The following KLF15 variants were observed in gnomAD, a reference collection of about 807,000 sequenced individuals.
KLF15 encodes the protein KLF transcription factor 15.
A neutral mutation model predicts 24.6 loss-of-function variants in KLF15; 4 were observed. That is an observed-to-expected ratio of 0.16 (90% CI 0.08 to 0.37). KLF15 has a LOEUF of 0.37. Among genes scored for constraint, KLF15 ranks in the 10% least tolerant of loss-of-function variants. The pLI is 1.00. For synonymous variants in KLF15, 246 were observed against 236.3 expected (o/e 1.04, Z -0.37); for missense variants, 496 against 560.6 (o/e 0.88, Z 1.16).
chr3:126,299,772 A>C, the KLF15 span, among the ~76,000 whole-genome samples: 1 of 140,942 alleles, frequency 7.1e-6, no homozygotes. Flanking sequence ...AAAAAAAAAA[A>C]AGGAGATGAC....
chr3:126,308,863 G>A, the KLF15 span, among the ~76,000 whole-genome samples: 1 of 152,222 alleles, frequency 6.6e-6, no homozygotes, highest in African/African-American at 2.4e-5. Flanking sequence ...CTCACGGCAG[G>A]ACAGCTCGGC....
At chr3:126,324,577 G>C in the KLF15 span, among the ~76,000 whole-genome samples, 1 of 121,868 alleles carries the variant, frequency 8.2e-6, no homozygotes, top group Non-Finnish European at 1.7e-5. Flanking sequence ...TGCCACACCC[G>C]CCCCCAACTT....
the KLF15 span, among the ~76,000 whole-genome samples, chr3:126,295,055 C>T: frequency 6.6e-6 from 1 of 152,168 alleles, no homozygotes; most frequent in Non-Finnish European, 1.5e-5. Context: ...CATGCATGCA[C>T]TTATACGCAC....
the KLF15 span, among the ~76,000 whole-genome samples, chr3:126,308,723 C>G: frequency 1.3e-5 from 2 of 152,188 alleles, no homozygotes; most frequent in Non-Finnish European, 2.9e-5. Flanking sequence ...CTTTCTCCCC[C>G]ATGATGAGGA....
chr3:126,344,024 C>T, intron 2 of KLF15, 129 bp from the exon 3 acceptor site: 1 of 899,846 alleles, frequency 1.1e-6, no homozygotes, highest in Non-Finnish European at 1.6e-6. Flanking sequence ...AGACCTGCAG[C>T]CTCTACAGGA....
At chr3:126,289,175 A>G in the KLF15 span, among the ~76,000 whole-genome samples, 1 of 152,212 alleles carries the variant, frequency 6.6e-6, no homozygotes, top group African/African-American at 2.4e-5. Flanking sequence ...GCAAGAATAA[A>G]CTCCAGGTGT....
In KLF15 at chr3:126,350,635, C is replaced by T. The variant is rs868627179; in HGVS notation, c.1082+1206G>A. The stretch of plus-strand genomic sequence containing the variant: ...AAGAAAACAAAAGCTGCAAACTGCT[C>T]CCCGGGTGTTGCACCCACACATAAC... On this transcript the variant is annotated intron_variant, in intron 2 of 2. Transcript: ENST00000296233. Among the ~76,000 whole-genome samples the T allele has an allele frequency of 2.6e-5, 4 of 152,240 alleles. No homozygotes were observed. The East Asian group carries it at 5.8e-4, about 22-fold the overall frequency.
rs145337601 is a variant in KLF15 at position 126,352,591 on chromosome 3, G to A, written c.332C>T (p.Ala111Val). 518 of 1,611,732 alleles carry A rather than the reference G, an allele frequency of 3.2e-4. No homozygotes were observed. Among genetic ancestry groups the A allele is most frequent in the Non-Finnish European group, 4.1e-4 (483 of 1,179,654 alleles). The stretch of plus-strand genomic sequence containing the variant: ...ATGCTCCCCCTTCACAGGGGCCGCT[G>A]CCCTTCGCCAGGGCCCCCAGGCCAC... The part of the protein sequence containing the change: ...GPVAWGPWRR[A>V]AAPVKGEHFC... Residue 111 changes from alanine (A) to valine (V), a missense_variant, in exon 2 of 3, where the codon GCA (alanine) becomes GTA (valine). Ala to Val is a moderately conservative substitution (Grantham distance 64). Around this residue, in one of 3 missense-constraint regions of KLF15, gnomAD observed 399 missense variants for 423.1 expected, o/e 0.94. Coordinates refer to ENST00000296233, the MANE Select transcript of KLF15 (RefSeq NM_014079.4).
chr3:126,301,785 T>C, the KLF15 span, among the ~76,000 whole-genome samples: 1 of 151,976 alleles, frequency 6.6e-6, no homozygotes, highest in African/African-American at 2.4e-5. Context: ...CGGCTAATTT[T>C]TGTTTTTTTA....
At chr3:126,332,294 C>G in the KLF15 span, among the ~76,000 whole-genome samples, 5 of 148,514 alleles carry the variant, frequency 3.4e-5, no homozygotes, top group Admixed American at 3.4e-4. Context: ...CTGGGAGGCA[C>G]CCCCCAGCAG....
chr3:126,323,403 T>TTATA, the KLF15 span, among the ~76,000 whole-genome samples: 12 of 50,830 alleles, frequency 2.4e-4, 1 homozygote, highest in African/African-American at 1.1e-3. Flanking sequence ...GCCCCAGTAG[T>TTATA]TATATATATA....
chr3:126,298,007 T>C, the KLF15 span, among the ~76,000 whole-genome samples: 2 of 152,230 alleles, frequency 1.3e-5, no homozygotes, highest in Non-Finnish European at 2.9e-5. Context: ...TACTTTTAGT[T>C]CTTTAAGGAA....
chr3:126,328,799 T>C, the KLF15 span, among the ~76,000 whole-genome samples: 2 of 152,214 alleles, frequency 1.3e-5, no homozygotes, highest in South Asian at 4.1e-4. Context: ...TTTCTGCATA[T>C]TTACAAAGTT....
chr3:126,337,712 A>G (rs1445685736), downstream of KLF15, among the ~76,000 whole-genome samples: 1 of 152,238 alleles, frequency 6.6e-6, no homozygotes, highest in Non-Finnish European at 1.5e-5. Flanking sequence ...ACCAACAACT[A>G]CAGCTGTTGC....
the KLF15 span, among the ~76,000 whole-genome samples, chr3:126,323,781 C>T: frequency 1.8e-4 from 26 of 144,220 alleles, no homozygotes; most frequent in African/African-American, 5.9e-4. Context: ...CTGTAAGTCA[C>T]GCCTGATAAT....
chr3:126,345,983 C>T (rs1475199622), intron 2 of KLF15, among the ~76,000 whole-genome samples: 2 of 152,214 alleles, frequency 1.3e-5, no homozygotes, highest in Non-Finnish European at 2.9e-5. Context: ...AAGACAGGGC[C>T]CCTGAGGCTG....
At chr3:126,322,752 C>CA in the KLF15 span, among the ~76,000 whole-genome samples, 2 of 152,158 alleles carry the variant, frequency 1.3e-5, no homozygotes, top group Non-Finnish European at 1.5e-5. Flanking sequence ...CTTGCCTGCC[C>CA]ACGCCATTTG....
At chr3:126,311,858 G>A in the KLF15 span, among the ~76,000 whole-genome samples, 1 of 152,210 alleles carries the variant, frequency 6.6e-6, no homozygotes, top group African/African-American at 2.4e-5. Flanking sequence ...CCCCAGCCCT[G>A]CTGCTATCAA....
In KLF15 at chr3:126,352,327, G is replaced by A. The variant is rs144335800; in HGVS notation, c.596C>T (p.Ala199Val). ...RERCSPPPGGASAGGAQGPGG... is the reference protein window; with the variant it reads ...RERCSPPPGGVSAGGAQGPGG... ...TGGGCCCTGGGCACCTCCTGCACTG[G>A]CACCACCTGGTGGAGGGGAACAGCG... is the stretch of plus-strand genomic sequence containing the variant. Residue 199 changes from alanine to valine, a missense_variant, in exon 2 of 3, where the codon GCC becomes GTC. By Grantham distance (64) the Ala-to-Val change is moderately conservative. Coordinates refer to ENST00000296233, the MANE Select transcript of KLF15 (RefSeq NM_014079.4). 3.6e-5 allele frequency: 57 copies of A among 1,575,002 alleles called. No individual in the cohort carries two copies. The African/African-American group carries it at 7.2e-4, about 20-fold the overall frequency.
Sources: gnomAD v4.1 joint callset for allele counts (sites outside exome capture counted in the v4.1 genomes callset) on GRCh38, gnomAD v4.1.1 for gene constraint, gnomAD v4.1.1 regional missense constraint, MANE v1.5 for transcripts, NCBI Gene and HGNC (gene_info 2026-07-23, HGNC 2026-07-21) for gene names.